Variants in SDF2 observed in about 807,000 individuals in gnomAD.
SDF2 encodes stromal cell derived factor 2.
SDF2 carries 12 observed loss-of-function variants against 20.5 expected under a neutral mutation model. The ratio of observed to expected loss-of-function variants is 0.58; its 90% CI spans 0.37 to 0.95. The LOEUF (loss-of-function observed/expected upper bound fraction) is 0.95. Ranked by LOEUF, SDF2 falls within the 40% of genes least tolerant of loss-of-function variation. The probability of loss-of-function intolerance (pLI) is 0.01; values close to 1 mark genes in which losing one functional copy is unlikely to be tolerated. For missense variants in SDF2, 238 were observed against 263.1 expected (o/e 0.90, Z 0.66); for synonymous variants, 100 against 101.0 (o/e 0.99, Z 0.06).
intron 1 of SDF2, chr17:28,661,206 T>A (rs1162610637): frequency 6.6e-6 from 3 of 454,170 alleles, no homozygotes; most frequent in South Asian, 4.7e-5. Context: ...GGAGCAAGTG[T>A]AAGATGCAGA....
chr17:28,649,675 G>A (rs76280486), intron 2 of SDF2, among the ~76,000 whole-genome samples: 3,092 of 148,632 alleles, frequency 0.021, 101 homozygotes, highest in African/African-American at 0.073. Flanking sequence ...CGGAGGTTGC[G>A]GTGAGCCGAG....
intron 1 of SDF2, among the ~76,000 whole-genome samples, chr17:28,657,350 T>C (rs754728617): frequency 3.9e-5 from 6 of 151,986 alleles, no homozygotes; most frequent in Non-Finnish European, 7.4e-5. Flanking sequence ...AGTTCGAGAC[T>C]AGCCTCAGCA....
intron 2 of SDF2, among the ~76,000 whole-genome samples, chr17:28,651,234 G>C (rs1005261086): frequency 2.6e-5 from 4 of 152,122 alleles, no homozygotes; most frequent in Admixed American, 6.6e-5. Context: ...GCTAATTTTG[G>C]TATTTTTTAA....
chr17:28,661,083 T>TA (rs11385140), intron 1 of SDF2: 78,414 of 311,582 alleles, frequency 0.25, 12,028 homozygotes, highest in African/African-American at 0.64. Flanking sequence ...TTTCAAACGC[T>TA]AAAAAAAAAA....
At chr17:28,651,799 T>TGC in intron 2 of SDF2, among the ~76,000 whole-genome samples, 1 of 152,276 alleles carries the variant, frequency 6.6e-6, no homozygotes, top group Non-Finnish European at 1.5e-5. Context: ...TGTGTGTGTG[T>TGC]GTACACTCTA....
rs1034055806 is a variant in SDF2 at position 28,661,049 on chromosome 17, A to G, written c.151+677T>C. ...AGACCTATGCTGAATGAATCCACAA[A>G]TAATTTATTACTAAACATTTTAATT... On this transcript the variant is annotated intron_variant, in intron 1 of 2. Transcript: ENST00000247020. The G allele has an allele frequency of 1.1e-4, 43 of 389,650 alleles. No homozygotes were observed. In the Middle Eastern group the frequency reaches 2.1e-3, roughly 19 times the overall value. The allele number at this position is 389,650 out of a possible 1,614,324, so 24.1% of individuals were successfully genotyped here.
At chr17:28,658,685 C>T (rs1388293870) in intron 1 of SDF2, among the ~76,000 whole-genome samples, 1 of 152,114 alleles carries the variant, frequency 6.6e-6, no homozygotes, top group Admixed American at 6.5e-5. Flanking sequence ...ACAATCTGAT[C>T]TCTCTTTCTT....
Position 28,661,768 on chromosome 17 carries a change from GGCGCGTATTGAGTA to G in SDF2, c.95_108del (p.Leu32ProfsTer16). 6.2e-7 allele frequency: 1 copy of G among 1,614,058 alleles called. No homozygotes were observed. Among genetic ancestry groups the G allele is most frequent in the Non-Finnish European group, 8.5e-7 (1 of 1,179,986 alleles). On this transcript the variant is annotated frameshift_variant, in exon 1 of 3. Transcript: ENST00000247020. LOFTEE classifies it high-confidence loss of function. The stretch of plus-strand genomic sequence containing the variant: ...TCGTGTGAGTGCAGTCGGACGTTGT[GGCGCGTATTGAGTA>G]GCTTCACCACGGAGCCGCAAGTAAC...
chr17:28,655,277 G>A lies in SDF2; in HGVS notation c.348+10C>T, dbSNP rs1284905132. ...GCAGAGCAGCAACAATCCATCGAAA[G>A]CCACCTCACCTGGTTTCCAGAAAGA... On this transcript the variant is annotated intron_variant, in intron 2 of 2. Coordinates refer to ENST00000247020, the MANE Select transcript of SDF2 (RefSeq NM_006923.4). The A allele has an allele frequency of 1.2e-6, 2 of 1,613,364 alleles. No individual in the cohort carries two copies. The highest frequency in any genetic ancestry group is 1.3e-5 in the African/African-American group (1 of 74,932).
chr17:28,661,174 G>C (rs186990162), intron 1 of SDF2: 1 of 454,850 alleles, frequency 2.2e-6, no homozygotes, highest in East Asian at 7.0e-5. Context: ...TTGGGTAGAA[G>C]GGGGCCAAAG....
In SDF2 at chr17:28,661,877, C is replaced by G. The variant is rs777783492; in HGVS notation, c.-1G>C. The G allele has an allele frequency of 2.1e-5, 34 of 1,601,450 alleles. No individual in the cohort carries two copies. Among genetic ancestry groups the G allele is most frequent in the Non-Finnish European group, 2.8e-5 (33 of 1,169,414 alleles). On this transcript the variant is annotated 5_prime_UTR_variant, in exon 1 of 3. Transcript: ENST00000247020. ...ACAACAGCAGAGGTACTACAGCCAT[C>G]CTAACTGTATCGCGGAGCCCCAAAT... is the stretch of plus-strand genomic sequence containing the variant.
chr17:28,660,942 A>T, intron 1 of SDF2: 1 of 163,110 alleles, frequency 6.1e-6, no homozygotes, highest in Non-Finnish European at 1.3e-5. Context: ...TGTTTTTATT[A>T]TATTGTAATT....
chr17:28,659,652 G>T, intron 1 of SDF2, among the ~76,000 whole-genome samples: 1 of 144,028 alleles, frequency 6.9e-6, no homozygotes, highest in Admixed American at 7.0e-5. Flanking sequence ...GGGCGGCCAG[G>T]CAGAGACGCT....
intron 1 of SDF2, among the ~76,000 whole-genome samples, chr17:28,658,735 A>T (rs541539584): frequency 1.3e-5 from 2 of 150,772 alleles, no homozygotes; most frequent in Non-Finnish European, 3.0e-5. Context: ...CAAAACCGCC[A>T]TCGTCATCAT....
chr17:28,654,355 A>T (rs2071937975), intron 2 of SDF2, among the ~76,000 whole-genome samples: 1 of 137,564 alleles, frequency 7.3e-6, no homozygotes, highest in Non-Finnish European at 1.6e-5. Context: ...TAGCATCATT[A>T]AAAAAAAAAA....
upstream of SDF2, chr17:28,662,048 T>C (rs2072058668): frequency 5.7e-6 from 4 of 696,782 alleles, no homozygotes. Context: ...TTACTTACGA[T>C]ACTCTCGCTC....
In SDF2 at chr17:28,649,126, C is replaced by T; in HGVS notation, c.499G>A (p.Gly167Ser). 1 of 1,614,192 alleles carries T rather than the reference C, an allele frequency of 6.2e-7. No homozygotes were observed. Among genetic ancestry groups the T allele is most frequent in the South Asian group, 1.1e-5 (1 of 91,086 alleles). Reference protein sequence around the residue: ...VLLSVTGEQYGRPISGQKEVH... With the variant: ...VLLSVTGEQYSRPISGQKEVH... ...TCTTTTTGCCCACTGATAGGTCGAC[C>T]ATATTGTTCTCCTGTGACAGACAGC... The change falls in exon 3 of 3, where the codon GGT (glycine) becomes AGT (serine). Residue 167 changes from glycine (G) to serine (S), a missense_variant. Transcript: ENST00000247020.
At chr17:28,658,948 C>G (rs1227461006) in intron 1 of SDF2, among the ~76,000 whole-genome samples, 1 of 141,212 alleles carries the variant, frequency 7.1e-6, no homozygotes. Flanking sequence ...ACTGGGTGGC[C>G]GGGCAGAGGC....
At chr17:28,661,087 A>G (rs774823351) in intron 1 of SDF2, 7 of 342,172 alleles carry the variant, frequency 2.0e-5, no homozygotes, top group African/African-American at 1.5e-4. Context: ...AAACGCTAAA[A>G]AAAAAAAAAA....
Sources: gnomAD v4.1 joint callset for allele counts (sites outside exome capture counted in the v4.1 genomes callset) on GRCh38, gnomAD v4.1.1 for gene constraint, MANE v1.5 for transcripts, NCBI Gene and HGNC (gene_info 2026-07-23, HGNC 2026-07-21) for gene names.